Variants in GNA14 observed in about 807,000 individuals in gnomAD.
GNA14 encodes the protein guanine nucleotide-binding protein subunit alpha-14.
A neutral mutation model predicts 42.0 loss-of-function variants in GNA14; 50 were observed. The observed-to-expected ratio is 1.19, with a 90% confidence interval of 0.95 to 1.51. GNA14 has a LOEUF of 1.51. Ranked by LOEUF, GNA14 falls within the 40% of genes most tolerant of loss-of-function variation. The pLI is 0.00. For synonymous variants in GNA14, 173 were observed against 163.1 expected (o/e 1.06, Z -0.46); for missense variants, 473 against 446.2 (o/e 1.06, Z -0.54).
chr9:77,468,009 A>C (rs1230423094), intron 2 of GNA14, among the ~76,000 whole-genome samples: 1 of 152,188 alleles, frequency 6.6e-6, no homozygotes, highest in Non-Finnish European at 1.5e-5. Flanking sequence ...CTTCTCAGCC[A>C]CACTTGCCTA....
At chr9:77,512,323 A>G (rs1282101139) in intron 2 of GNA14, among the ~76,000 whole-genome samples, 1 of 152,236 alleles carries the variant, frequency 6.6e-6, no homozygotes, top group African/African-American at 2.4e-5. Flanking sequence ...GTTACTACTC[A>G]TATCTTAATT....
intron 2 of GNA14, among the ~76,000 whole-genome samples, chr9:77,448,328 TA>T (rs1460601537): frequency 1.3e-5 from 2 of 152,242 alleles, no homozygotes; most frequent in African/African-American, 4.8e-5. Context: ...AACCATTCAG[TA>T]GAAACCATAT....
intron 2 of GNA14, among the ~76,000 whole-genome samples, chr9:77,471,249 C>T (rs1000900922): frequency 2.6e-5 from 4 of 152,082 alleles, no homozygotes; most frequent in Non-Finnish European, 5.9e-5. Flanking sequence ...AATCTGGGCT[C>T]AATTTTAAAA....
chr9:77,513,926 T>C (rs1452987932), intron 2 of GNA14, among the ~76,000 whole-genome samples: 1 of 151,820 alleles, frequency 6.6e-6, no homozygotes, highest in East Asian at 2.0e-4. Flanking sequence ...CTCTCCTAGT[T>C]CATAAGCAAG....
At chr9:77,451,323 C>T (rs772650708) in intron 2 of GNA14, among the ~76,000 whole-genome samples, 14 of 152,126 alleles carry the variant, frequency 9.2e-5, no homozygotes, top group Non-Finnish European at 1.3e-4. Context: ...AATTATAAAG[C>T]TTCATAAATA....
Position 77,479,942 on chromosome 9 carries a change from G to A in GNA14, c.310-45420C>T, listed in dbSNP as rs577616091. 1.6e-3 allele frequency among the ~76,000 whole-genome samples: 248 copies of A among 152,270 alleles called. 2 individuals are homozygous for A. The highest frequency in any genetic ancestry group is 5.3e-3 in the African/African-American group (219 of 41,544). On this transcript the variant is annotated intron_variant, in intron 2 of 6. Transcript: ENST00000341700. ...CTGAAGTTGCTTATCAGCTTAAGGA[G>A]ATTTTGGGCTGAAATGATGGGGTTT...
At position 77,434,429 on chromosome 9, in the gene GNA14, G is replaced by A; in HGVS notation, c.403C>T (p.Pro135Ser). The part of the protein sequence containing the change: ...VEAIKQLWQD[P>S]GIQECYDRRR... ...CTGTCGTAACACTCCTGGATGCCTG[G>A]ATCTTGCCAGAGCTGCTTGATGGCC... The change falls in exon 3 of 7, where the codon CCA becomes TCA. Residue 135 changes from proline (P) to serine (S), a missense_variant. Coordinates refer to ENST00000341700, the MANE Select transcript of GNA14 (RefSeq NM_004297.4). The A allele has an allele frequency of 1.2e-6, 2 of 1,614,080 alleles. No homozygotes were observed. Among genetic ancestry groups the A allele is most frequent in the Non-Finnish European group, 1.7e-6 (2 of 1,179,948 alleles).
At chr9:77,516,306 C>A (rs757301142) in intron 2 of GNA14, among the ~76,000 whole-genome samples, 1 of 152,166 alleles carries the variant, frequency 6.6e-6, no homozygotes, top group Non-Finnish European at 1.5e-5. Flanking sequence ...GTCTCCTTGT[C>A]TAAGTTTCCT....
At chr9:77,458,179 T>G (rs1194346654) in intron 2 of GNA14, among the ~76,000 whole-genome samples, 1 of 152,362 alleles carries the variant, frequency 6.6e-6, no homozygotes, top group African/African-American at 2.4e-5. Context: ...ATGTCCTGTC[T>G]TTCCTCTAGA....
In GNA14 at chr9:77,423,957, G is replaced by A. The variant is rs756197361; in HGVS notation, c.*22C>T. ...TTTGCAAATCACATCTTCTGTTATA[G>A]GGGAGGAGTGGGCAGCAGCTTTTAG... On this transcript the variant is annotated 3_prime_UTR_variant, in exon 7 of 7. Transcript: ENST00000341700. The A allele has an allele frequency of 1.3e-6, 2 of 1,538,106 alleles. No homozygotes were observed. The highest frequency in any genetic ancestry group is 1.8e-6 in the Non-Finnish European group (2 of 1,131,254).
At position 77,486,201 on chromosome 9, in the gene GNA14, C is replaced by T. The variant is rs1836657469; in HGVS notation, c.309+42868G>A. Among the ~76,000 whole-genome samples the T allele has an allele frequency of 2.0e-5, 3 of 152,212 alleles. No individual in the cohort carries two copies. The South Asian group carries it at 6.2e-4, about 31-fold the overall frequency. The stretch of plus-strand genomic sequence containing the variant: ...ACTTGCTGCAGCTTCTCCATCAGCA[C>T]CTGCTGTTTCACCTTGCACTGTTAT... On this transcript the variant is annotated intron_variant, in intron 2 of 6. Transcript: ENST00000341700.
At chr9:77,548,808 C>A (rs923997074) in intron 1 of GNA14, among the ~76,000 whole-genome samples, 1 of 152,242 alleles carries the variant, frequency 6.6e-6, no homozygotes, top group Non-Finnish European at 1.5e-5. Context: ...TAAGCTTCTG[C>A]ACCCATGTGG....
At chr9:77,553,970 A>C (rs778140795) in intron 1 of GNA14, among the ~76,000 whole-genome samples, 1 of 152,250 alleles carries the variant, frequency 6.6e-6, no homozygotes, top group East Asian at 1.9e-4. Flanking sequence ...ATGAATATTT[A>C]CTGACATGAA....
At chr9:77,433,511 C>T (rs1395380564) in intron 3 of GNA14, among the ~76,000 whole-genome samples, 1 of 152,124 alleles carries the variant, frequency 6.6e-6, no homozygotes, top group Non-Finnish European at 1.5e-5. Context: ...CTCAGCCTCC[C>T]GAGCAGCTGC....
intron 2 of GNA14, among the ~76,000 whole-genome samples, chr9:77,479,497 G>T (rs1220646370): frequency 1.3e-5 from 2 of 152,166 alleles, no homozygotes; most frequent in East Asian, 3.8e-4. Flanking sequence ...GATTGACTTG[G>T]TGATGCGGGC....
At chr9:77,527,529 AGT>A (rs1837459244) in intron 2 of GNA14, among the ~76,000 whole-genome samples, 2 of 152,186 alleles carry the variant, frequency 1.3e-5, no homozygotes, top group Admixed American at 1.3e-4. Flanking sequence ...TGTTAGCGTT[AGT>A]GTGTTTAATG....
intron 2 of GNA14, among the ~76,000 whole-genome samples, chr9:77,517,149 T>G (rs760960492): frequency 1.6e-4 from 24 of 152,204 alleles, no homozygotes; most frequent in Non-Finnish European, 2.5e-4. Flanking sequence ...AAAAATATCA[T>G]GGGAATTCTT....
intron 2 of GNA14, among the ~76,000 whole-genome samples, chr9:77,478,385 C>T (rs1237527201): frequency 1.3e-5 from 2 of 152,178 alleles, no homozygotes; most frequent in Non-Finnish European, 2.9e-5. Flanking sequence ...GCATAGTATT[C>T]CATGGAGTAT....
chr9:77,635,209 A>G (rs139028180), intron 1 of GNA14: 56 of 152,256 alleles, frequency 3.7e-4, no homozygotes, highest in Admixed American at 1.2e-3. Flanking sequence ...ATCAAAAAAT[A>G]TGGAATGCTT....
Sources: allele counts gnomAD v4.1 joint callset (sites outside exome capture counted in the v4.1 genomes callset), GRCh38; gene constraint gnomAD v4.1.1; transcripts MANE v1.5; gene names NCBI Gene and HGNC (gene_info 2026-07-23, HGNC 2026-07-21).